Variants in PPP6R3 observed in about 807,000 individuals in gnomAD.
The protein encoded by PPP6R3 is protein phosphatase 6 regulatory subunit 3.
Under a neutral mutation model 110.7 loss-of-function variants are expected in PPP6R3, and 38 were observed. That is an observed-to-expected ratio of 0.34 (90% CI 0.26 to 0.45). PPP6R3 has a LOEUF of 0.45. PPP6R3 is among the 20% of genes least tolerant of loss of function. The pLI is 1.00. For missense variants in PPP6R3, 870 were observed against 1,062.4 expected (o/e 0.82, Z 2.52); for synonymous variants, 369 against 373.5 (o/e 0.99, Z 0.14).
chr11:68,610,052 A>G lies in PPP6R3; in HGVS notation c.2570+29A>G, dbSNP rs200369204. 2.9e-3 allele frequency: 4,610 copies of G among 1,610,238 alleles called. 13 individuals carry two copies. The highest frequency in any genetic ancestry group is 3.5e-3 in the Non-Finnish European group (4,107 of 1,179,100). ...ACCACCCGCCTCCTCAAACCCACCC[A>G]GGCCCTGCCCTGACCTTGCCTGTTG... On this transcript the variant is annotated intron_variant, in intron 23 of 23. Transcript: ENST00000393800.
At chr11:68,554,404 T>G in intron 7 of PPP6R3, 147 bp downstream of exon 7, 3 of 523,418 alleles carry the variant, frequency 5.7e-6, no homozygotes, top group Non-Finnish European at 9.9e-6. Context: ...GGAAACCTGC[T>G]TCTTTTATCT....
chr11:68,517,224 C>A (rs1304069332), intron 1 of PPP6R3, among the ~76,000 whole-genome samples: 1 of 151,712 alleles, frequency 6.6e-6, no homozygotes, highest in African/African-American at 2.4e-5. Flanking sequence ...CTCTAACTTG[C>A]ATTTTTCTGT....
intron 1 of PPP6R3, among the ~76,000 whole-genome samples, chr11:68,477,542 TAGGG>T (rs1479723936): frequency 1.3e-5 from 2 of 151,026 alleles, no homozygotes; most frequent in African/African-American, 4.9e-5. Flanking sequence ...CTGTGCAACA[TAGGG>T]AGACCCCATC....
At chr11:68,521,063 C>T (rs1327822000) in intron 2 of PPP6R3, among the ~76,000 whole-genome samples, 7 of 152,154 alleles carry the variant, frequency 4.6e-5, no homozygotes, top group Non-Finnish European at 1.0e-4. Context: ...TGAGCCACCG[C>T]GTCCGGCCTC....
chr11:68,509,744 A>ATTTTTTTTTTTTTTT (rs59022544), intron 1 of PPP6R3, among the ~76,000 whole-genome samples: 1 of 102,152 alleles, frequency 9.8e-6, no homozygotes, highest in Non-Finnish European at 1.9e-5. Context: ...CATGTGGCTA[A>ATTTTTTTTTTTTTTT]TTTTTTTTTT....
At chr11:68,507,246 A>ATTTTTTTTTTTT (rs58191278) in intron 1 of PPP6R3, among the ~76,000 whole-genome samples, 1 of 114,982 alleles carries the variant, frequency 8.7e-6, no homozygotes, top group Non-Finnish European at 1.9e-5. Flanking sequence ...GTCTTTTTGC[A>ATTTTTTTTTTTT]TTTTTTTTTT....
chr11:68,465,096 G>T (rs2098736460), intron 1 of PPP6R3, among the ~76,000 whole-genome samples: 1 of 152,134 alleles, frequency 6.6e-6, no homozygotes, highest in Non-Finnish European at 1.5e-5. Context: ...GGGCCAGGCT[G>T]GTCCCGATCT....
chr11:68,603,320 CCAT>C lies in PPP6R3; in HGVS notation c.2300-19_2300-17del, dbSNP rs2099637549. 2 of 1,612,510 alleles carry C rather than the reference CCAT, an allele frequency of 1.2e-6. No individual in the cohort carries two copies. Among genetic ancestry groups the C allele is most frequent in the Middle Eastern group, 3.6e-4 (2 of 5,536 alleles). ...TCCTTTTCGGGCTTGCTGTGTGTGA[CCAT>C]CAGCTGTGTTCTTTTCAGCGGCAGG... On this transcript the variant is annotated intron_variant, in intron 21 of 23. Transcript: ENST00000393800.
chr11:68,512,543 G>A (rs1040377344), intron 1 of PPP6R3, among the ~76,000 whole-genome samples: 2 of 152,214 alleles, frequency 1.3e-5, no homozygotes, highest in Non-Finnish European at 2.9e-5. Context: ...TTGTGCGTAG[G>A]ATAGTTGCAT....
At chr11:68,550,014 C>G (rs1189126234) in intron 5 of PPP6R3, among the ~76,000 whole-genome samples, 1 of 152,098 alleles carries the variant, frequency 6.6e-6, no homozygotes, top group Non-Finnish European at 1.5e-5. Flanking sequence ...CCCCGCCCCT[C>G]ACATAGATGT....
chr11:68,464,667 A>G (rs866946970), intron 1 of PPP6R3, among the ~76,000 whole-genome samples: 1 of 152,202 alleles, frequency 6.6e-6, no homozygotes, highest in Admixed American at 6.5e-5. Context: ...CTTTAGAAGC[A>G]TTTGTTAATT....
intron 1 of PPP6R3, among the ~76,000 whole-genome samples, chr11:68,515,321 G>A (rs1445694457): frequency 2.6e-5 from 4 of 152,302 alleles, no homozygotes; most frequent in East Asian, 1.9e-4. Flanking sequence ...CCAGCCTGTC[G>A]GGGGCTTGGT....
chr11:68,587,716 C>G (rs2099583243), intron 15 of PPP6R3: 1 of 633,498 alleles, frequency 1.6e-6, no homozygotes, highest in Admixed American at 2.3e-5. Flanking sequence ...GTGACATGTG[C>G]ATTAGAATGA....
At position 68,550,956 on chromosome 11, in the gene PPP6R3, G is replaced by C; in HGVS notation, c.553-165G>C. The C allele has an allele frequency of 1.1e-5, 6 of 557,996 alleles. No individual in the cohort carries two copies. The South Asian group carries it at 1.3e-4, about 12-fold the overall frequency. The allele number at this position is 557,996 out of a possible 1,614,324, so 34.6% of individuals were successfully genotyped here. A position where few individuals can be genotyped will look rare whatever the true frequency, so the allele number is the denominator to read the frequency against. ...CATTGTTAAAACAATATATTCACTG[G>C]CATTTTCCTTGGGGGACTTTTAATT... On this transcript the variant is annotated intron_variant, in intron 5 of 23. Transcript: ENST00000393800.
intron 10 of PPP6R3, among the ~76,000 whole-genome samples, chr11:68,569,459 A>C (rs2099493934): frequency 6.6e-6 from 1 of 152,228 alleles, no homozygotes; most frequent in South Asian, 2.1e-4. Flanking sequence ...AACAATTATA[A>C]ATCTATACTG....
chr11:68,583,883 A>T (rs1431336261), intron 15 of PPP6R3, among the ~76,000 whole-genome samples: 1 of 152,036 alleles, frequency 6.6e-6, no homozygotes, highest in South Asian at 2.1e-4. Context: ...ATTAACGGGG[A>T]CACCTTCCCA....
intron 2 of PPP6R3, among the ~76,000 whole-genome samples, chr11:68,520,567 T>G (rs1046184371): frequency 6.6e-6 from 1 of 152,194 alleles, no homozygotes; most frequent in African/African-American, 2.4e-5. Flanking sequence ...CCCCAGCTCC[T>G]GAAGAACAGT....
rs2099638632 is a variant in PPP6R3, at chr11:68,603,677, G to T, written c.2450+185G>T. ...AGAGATGGAGAGTTTAGGCCCCTAA[G>T]TGCCTTTTCCCCCATAAATGTGTTC... On this transcript the variant is annotated intron_variant, in intron 22 of 23. Coordinates refer to ENST00000393800, the MANE Select transcript of PPP6R3 (RefSeq NM_001164161.2). 4 of 699,596 alleles carry T rather than the reference G, an allele frequency of 5.7e-6. No individual in the cohort carries two copies. The Admixed American group carries it at 1.2e-4, about 21-fold the overall frequency. The allele number at this position is 699,596 out of a possible 1,614,324, so 43.3% of individuals were successfully genotyped here. A position where few individuals can be genotyped will look rare whatever the true frequency, so the allele number is the denominator to read the frequency against.
intron 8 of PPP6R3, among the ~76,000 whole-genome samples, chr11:68,560,553 G>A (rs951005064): frequency 1.1e-4 from 16 of 152,132 alleles, no homozygotes; most frequent in African/African-American, 3.9e-4. Context: ...TGAAGAAATT[G>A]AACTTATATT....
Sources: allele counts gnomAD v4.1 joint callset (sites outside exome capture counted in the v4.1 genomes callset), GRCh38; gene constraint gnomAD v4.1.1; transcripts MANE v1.5; gene names NCBI Gene and HGNC (gene_info 2026-07-23, HGNC 2026-07-21).